Variants in NFS1 observed in about 807,000 individuals in gnomAD.
NFS1 encodes the protein cysteine desulfurase.
In NFS1, 26 loss-of-function variants were observed where a neutral mutation model predicts 57.3. The ratio of observed to expected loss-of-function variants is 0.45; its 90% CI spans 0.33 to 0.63. NFS1 has a LOEUF of 0.63. NFS1 is among the 20% of genes least tolerant of loss of function. The probability of loss-of-function intolerance (pLI) is 0.02; values close to 1 mark genes in which losing one functional copy is unlikely to be tolerated. For missense variants in NFS1, 505 were observed against 605.8 expected (o/e 0.83, Z 1.75); for synonymous variants, 209 against 216.3 (o/e 0.97, Z 0.30).
At chr20:35,687,946 A>T (rs1431355417) in intron 5 of NFS1, among the ~76,000 whole-genome samples, 1 of 152,150 alleles carries the variant, frequency 6.6e-6, no homozygotes, top group Admixed American at 6.6e-5. Context: ...AAAAATGTTT[A>T]AAAATTTAGC....
chr20:35,675,002 G>A, intron 8 of NFS1, 43 bp downstream of exon 8: 1 of 1,612,612 alleles, frequency 6.2e-7, no homozygotes, highest in African/African-American at 1.3e-5. Flanking sequence ...AGGAGACCCA[G>A]CACAGGGGAA....
At position 35,674,545 on chromosome 20, in the gene NFS1, C is replaced by A; in HGVS notation, c.1021G>T (p.Val341Leu). The stretch of plus-strand genomic sequence containing the variant: ...TGGTGCTTAGGGTCCCCATTCATCA[C>A]CACATCTGGAAGGCTCTTCATTATA... ...QNIMKSLPDVVMNGDPKHHYP... is the reference protein window; with the variant it reads ...QNIMKSLPDVLMNGDPKHHYP... The change falls in exon 9 of 13, where the codon GTG (valine) becomes TTG (leucine). Residue 341 changes from valine (V) to leucine (L), a missense_variant. Coordinates refer to ENST00000374092, the MANE Select transcript of NFS1 (RefSeq NM_021100.5). The A allele has an allele frequency of 1.2e-6, 2 of 1,614,206 alleles. No homozygotes were observed. The highest frequency in any genetic ancestry group is 1.7e-6 in the Non-Finnish European group (2 of 1,180,024).
intron 11 of NFS1, 70 bp downstream of exon 11, chr20:35,673,531 A>G: frequency 7.2e-7 from 1 of 1,388,798 alleles, no homozygotes; most frequent in African/African-American, 1.4e-5. Context: ...GGAAAAAGAA[A>G]AAAACTGTAA....
chr20:35,669,742 T>C (rs889237326), intron 12 of NFS1, 57 bp from the exon 13 acceptor site: 1 of 1,526,980 alleles, frequency 6.5e-7, no homozygotes, highest in East Asian at 2.3e-5. Context: ...GTCGACAACA[T>C]TGGCCCCAAG....
At chr20:35,692,411 A>G (rs751780332) in intron 4 of NFS1, 87 of 168,118 alleles carry the variant, frequency 5.2e-4, no homozygotes, top group Non-Finnish European at 6.6e-4. Flanking sequence ...AAAAAAAAAA[A>G]GGGGGCTGGA....
At chr20:35,678,950 A>G (rs924125544) in intron 7 of NFS1, among the ~76,000 whole-genome samples, 2 of 152,200 alleles carry the variant, frequency 1.3e-5, no homozygotes, top group African/African-American at 4.8e-5. Context: ...ATCTTATACT[A>G]TCTGAGTCTA....
At chr20:35,698,982 C>T (rs2035194040) in intron 1 of NFS1, 2 of 1,326,308 alleles carry the variant, frequency 1.5e-6, no homozygotes, top group African/African-American at 3.1e-5. Context: ...CTCCACGGCT[C>T]TGGGGGCCTG....
chr20:35,694,180 T>C (rs1240652365), intron 4 of NFS1, among the ~76,000 whole-genome samples: 1 of 151,408 alleles, frequency 6.6e-6, no homozygotes, highest in Non-Finnish European at 1.5e-5. Flanking sequence ...GTTTCGCCCT[T>C]GTTGCTACAG....
At chr20:35,689,177 A>C (rs1224655238) in intron 5 of NFS1, among the ~76,000 whole-genome samples, 1 of 152,206 alleles carries the variant, frequency 6.6e-6, no homozygotes, top group Admixed American at 6.5e-5. Context: ...ACCAGAAAAC[A>C]CCAACAAATG....
intron 12 of NFS1, among the ~76,000 whole-genome samples, chr20:35,670,125 G>A (rs568450530): frequency 2.8e-4 from 42 of 152,238 alleles, no homozygotes; most frequent in East Asian, 5.8e-4. Flanking sequence ...CATATTACCC[G>A]CTTTTCAGCA....
chr20:35,683,015 T>G (rs1195581217), intron 5 of NFS1, among the ~76,000 whole-genome samples: 1 of 151,224 alleles, frequency 6.6e-6, no homozygotes, highest in Non-Finnish European at 1.5e-5. Flanking sequence ...GAGGCGGAGC[T>G]TGCAGTGAGC....
chr20:35,698,136 C>T (rs1394893188), intron 2 of NFS1, among the ~76,000 whole-genome samples: 1 of 152,210 alleles, frequency 6.6e-6, no homozygotes, highest in Non-Finnish European at 1.5e-5. Flanking sequence ...CCTAGGCAAA[C>T]ACCCCTGGTC....
At chr20:35,680,930 C>T in intron 6 of NFS1, 59 bp from the exon 7 acceptor site, 2 of 1,353,486 alleles carry the variant, frequency 1.5e-6, no homozygotes, top group African/African-American at 1.5e-5. Context: ...TGTCAGAGTC[C>T]CACAGTGCAC....
chr20:35,698,631 G>A (rs758084051), intron 1 of NFS1, 41 bp from the exon 2 acceptor site: 1 of 1,551,624 alleles, frequency 6.4e-7, no homozygotes, highest in Non-Finnish European at 8.7e-7. Context: ...AAGACCGAAG[G>A]CAACTATGAA....
At chr20:35,679,780 G>A (rs549009294) in intron 7 of NFS1, among the ~76,000 whole-genome samples, 2 of 152,092 alleles carry the variant, frequency 1.3e-5, no homozygotes, top group South Asian at 4.1e-4. Context: ...CATAAAAAGG[G>A]TACCAGCACA....
intron 12 of NFS1, among the ~76,000 whole-genome samples, 191 bp downstream of exon 12, chr20:35,672,564 T>C (rs1210191823): frequency 1.3e-5 from 2 of 152,202 alleles, no homozygotes; most frequent in African/African-American, 2.4e-5. Flanking sequence ...TTCTTTAGTT[T>C]TTAAAAACAC....
intron 7 of NFS1, among the ~76,000 whole-genome samples, chr20:35,678,961 A>T (rs6121026): frequency 0.26 from 39,392 of 152,066 alleles, 5,922 homozygotes; most frequent in African/African-American, 0.43. Flanking sequence ...TCTGAGTCTA[A>T]ACAGTTCCCA....
At chr20:35,684,977 C>T (rs1490246544) in intron 5 of NFS1, among the ~76,000 whole-genome samples, 1 of 151,302 alleles carries the variant, frequency 6.6e-6, no homozygotes, top group Admixed American at 6.6e-5. Flanking sequence ...ACCTCCGCCT[C>T]CCAGGTTCAA....
In NFS1 at chr20:35,699,070, T is replaced by C. The variant is rs923458399; in HGVS notation, c.97+122A>G. ...CTAAGAAAGTTTGAGGGATGTGTCA[T>C]TTGAGAGAAGGGTCAGAGGGTCTGG... On this transcript the variant is annotated intron_variant, in intron 1 of 12. Transcript: ENST00000374092. This position sits in a 1 kb window ranked among gnomAD's most constrained non-coding sequence, Gnocchi z 4.4. The C allele has an allele frequency of 1.5e-4, 203 of 1,321,936 alleles. No homozygotes were observed. Among genetic ancestry groups the C allele is most frequent in the Non-Finnish European group, 1.9e-4 (201 of 1,038,306 alleles). 81.9% of individuals were successfully genotyped at this position (1,321,936 alleles called of 1,614,324 possible). A position where few individuals can be genotyped will look rare whatever the true frequency, so the allele number is the denominator to read the frequency against.
Sources: allele counts gnomAD v4.1 joint callset (sites outside exome capture counted in the v4.1 genomes callset), GRCh38; gene constraint gnomAD v4.1.1; non-coding constraint Gnocchi (gnomAD v3.1); transcripts MANE v1.5; gene names NCBI Gene and HGNC (gene_info 2026-07-23, HGNC 2026-07-21).